The following EFNA5 variants were observed in gnomAD, a reference collection of about 807,000 sequenced individuals.
EFNA5 encodes ephrin-A5.
In EFNA5, 5 loss-of-function variants were observed where a neutral mutation model predicts 22.9. The observed-to-expected ratio is 0.22, with a 90% CI of 0.11 to 0.46. The LOEUF (loss-of-function observed/expected upper bound fraction) is 0.46. Ranked by LOEUF, EFNA5 falls within the 20% of genes least tolerant of loss-of-function variation. EFNA5 has a pLI of 0.99. For missense variants in EFNA5, 237 were observed against 293.3 expected (o/e 0.81, Z 1.40); for synonymous variants, 113 against 112.2 (o/e 1.01, Z -0.04).
chr5:107,586,549 T>TA (rs1749189777), intron 1 of EFNA5, among the ~76,000 whole-genome samples: 1 of 152,196 alleles, frequency 6.6e-6, no homozygotes, highest in South Asian at 2.1e-4. Context: ...CAGGCATCCC[T>TA]AGAGTGCTTT....
At chr5:107,575,382 C>T (rs1748906941) in intron 1 of EFNA5, among the ~76,000 whole-genome samples, 1 of 152,218 alleles carries the variant, frequency 6.6e-6, no homozygotes, top group African/African-American at 2.4e-5. Context: ...CATCAGGACA[C>T]ATACCATGTA....
At chr5:107,499,131 G>A (rs1305339378) in intron 1 of EFNA5, among the ~76,000 whole-genome samples, 3 of 151,940 alleles carry the variant, frequency 2.0e-5, no homozygotes, top group Admixed American at 6.6e-5. Context: ...ATTCTAAATC[G>A]AAAGACACAA....
At chr5:107,515,597 C>T (rs971999428) in intron 1 of EFNA5, among the ~76,000 whole-genome samples, 4 of 151,484 alleles carry the variant, frequency 2.6e-5, no homozygotes, top group Admixed American at 6.6e-5. Context: ...AGGCTGGTCT[C>T]GAACTCTCAA....
intron 1 of EFNA5, among the ~76,000 whole-genome samples, chr5:107,432,128 T>C (rs1261319279): frequency 6.6e-6 from 1 of 152,208 alleles, no homozygotes; most frequent in Non-Finnish European, 1.5e-5. Context: ...ATGAGGTTTG[T>C]CCCAAACTCC....
chr5:107,586,727 T>C (rs1749195208), intron 1 of EFNA5, among the ~76,000 whole-genome samples: 1 of 152,164 alleles, frequency 6.6e-6, no homozygotes, highest in African/African-American at 2.4e-5. Context: ...ACATAGCCAC[T>C]CAACAAAGCG....
intron 1 of EFNA5, among the ~76,000 whole-genome samples, chr5:107,488,757 T>G (rs1746716845): frequency 6.6e-6 from 1 of 152,114 alleles, no homozygotes; most frequent in Non-Finnish European, 1.5e-5. Flanking sequence ...AATGGCACGA[T>G]CTCAAATCAC....
At chr5:107,501,451 A>G (rs1045882095) in intron 1 of EFNA5, among the ~76,000 whole-genome samples, 2 of 151,234 alleles carry the variant, frequency 1.3e-5, no homozygotes, top group Non-Finnish European at 2.9e-5. Context: ...ACATAAAAGT[A>G]CAGATATTAT....
At chr5:107,526,372 T>C (rs1430138022) in intron 1 of EFNA5, among the ~76,000 whole-genome samples, 3 of 152,326 alleles carry the variant, frequency 2.0e-5, no homozygotes, top group South Asian at 4.2e-4. Context: ...CAGCAGTTCA[T>C]TCCAGTGTAA....
chr5:107,536,407 A>G (rs1747930126), intron 1 of EFNA5, among the ~76,000 whole-genome samples: 1 of 152,252 alleles, frequency 6.6e-6, no homozygotes, highest in African/African-American at 2.4e-5. Context: ...ACTGACATAA[A>G]GAATTAAAAC....
chr5:107,637,007 T>G (rs1486503993), intron 1 of EFNA5, among the ~76,000 whole-genome samples: 1 of 152,244 alleles, frequency 6.6e-6, no homozygotes, highest in Admixed American at 6.5e-5. Context: ...TTCTAAAATG[T>G]GCCTGCTTTT....
At chr5:107,590,567 T>A (rs1355118691) in intron 1 of EFNA5, among the ~76,000 whole-genome samples, 1 of 151,902 alleles carries the variant, frequency 6.6e-6, no homozygotes, top group Non-Finnish European at 1.5e-5. Flanking sequence ...TTTTTTTCTA[T>A]TTTTTTGTGG....
At chr5:107,511,272 C>T (rs576406515) in intron 1 of EFNA5, among the ~76,000 whole-genome samples, 101 of 152,192 alleles carry the variant, frequency 6.6e-4, no homozygotes, top group African/African-American at 2.3e-3. Flanking sequence ...GTGATCAGCC[C>T]GCCTCGGCAT....
intron 1 of EFNA5, among the ~76,000 whole-genome samples, chr5:107,500,165 C>T (rs1747099034): frequency 6.6e-6 from 1 of 152,094 alleles, no homozygotes; most frequent in African/African-American, 2.4e-5. Context: ...TGTGAGAGAC[C>T]AATGCAATAT....
rs560591425 is a variant in EFNA5 at position 107,540,439 on chromosome 5, C to G, written c.126-112930G>C. Among the ~76,000 whole-genome samples, 10 of 152,130 alleles carry G rather than the reference C, an allele frequency of 6.6e-5. No homozygotes were observed. In the East Asian group the frequency reaches 9.7e-4, roughly 15 times the overall value. On this transcript the variant is annotated intron_variant, in intron 1 of 4. Coordinates refer to ENST00000333274, the MANE Select transcript of EFNA5 (RefSeq NM_001962.3). ...CTCATTGAAATGAAAATTATGTCAC[C>G]GAACAAAAGCTGATTATCTGCTAAC... is the stretch of plus-strand genomic sequence containing the variant.
chr5:107,639,270 C>T (rs1328134338), intron 1 of EFNA5, among the ~76,000 whole-genome samples: 1 of 152,210 alleles, frequency 6.6e-6, no homozygotes, highest in East Asian at 1.9e-4. Flanking sequence ...TGGCAGCATT[C>T]ATTTGGTAAA....
chr5:107,632,600 C>T (rs546426858), intron 1 of EFNA5, among the ~76,000 whole-genome samples: 11 of 152,218 alleles, frequency 7.2e-5, no homozygotes, highest in South Asian at 2.1e-4. Flanking sequence ...TATTCTAGTT[C>T]AAGAACATCC....
intron 1 of EFNA5, among the ~76,000 whole-genome samples, chr5:107,459,365 T>C (rs1199223066): frequency 3.7e-5 from 5 of 134,556 alleles, no homozygotes; most frequent in Admixed American, 1.5e-4. Flanking sequence ...AAAAAATCAA[T>C]TGGAACACAT....
At chr5:107,579,490 CA>C (rs1167051706) in intron 1 of EFNA5, among the ~76,000 whole-genome samples, 16 of 150,606 alleles carry the variant, frequency 1.1e-4, no homozygotes, top group African/African-American at 3.9e-4. Context: ...GCATGACAGA[CA>C]AGAGGCTCCA....
rs911285677 is a variant in EFNA5 at position 107,625,152 on chromosome 5, T to C, written c.125+45337A>G. 1.4e-4 allele frequency among the ~76,000 whole-genome samples: 22 copies of C among 152,170 alleles called. No individual in the cohort carries two copies. The South Asian group carries it at 3.1e-3, about 21-fold the overall frequency. ...GTAGCAACTAATTTTTGAAATACTA[T>C]GCAGAGCTAATAAAGAAGGAAACTT... On this transcript the variant is annotated intron_variant, in intron 1 of 4. Coordinates refer to ENST00000333274, the MANE Select transcript of EFNA5 (RefSeq NM_001962.3).
Sources: allele counts gnomAD v4.1 joint callset (sites outside exome capture counted in the v4.1 genomes callset), GRCh38; gene constraint gnomAD v4.1.1; transcripts MANE v1.5; gene names NCBI Gene and HGNC (gene_info 2026-07-23, HGNC 2026-07-21).